Variants in CAP2 observed in about 807,000 individuals in gnomAD.
CAP2 encodes the protein cyclase associated actin cytoskeleton regulatory protein 2, also known as adenylyl cyclase-associated protein 2.
CAP2 carries 24 observed loss-of-function variants against 57.7 expected under a neutral mutation model. The observed-to-expected ratio is 0.42, with a 90% CI of 0.30 to 0.58. The LOEUF (loss-of-function observed/expected upper bound fraction) is 0.58, where lower values mean the gene tolerates loss of function less well. Among genes scored for constraint, CAP2 ranks in the 20% least tolerant of loss-of-function variants. The pLI, the probability that CAP2 is intolerant of heterozygous loss-of-function variation, is 0.22. For synonymous variants in CAP2, 194 were observed against 207.2 expected, an observed-to-expected ratio of 0.94 and a Z score of 0.55; for missense variants, 501 against 590.3, an observed-to-expected ratio of 0.85 and a Z score of 1.57.
chr6:17,508,755 C>CTTTT (rs10635657), intron 6 of CAP2, among the ~76,000 whole-genome samples: 1,466 of 145,056 alleles, frequency 0.01, 30 homozygotes, highest in East Asian at 0.062. Context: ...AATTCACCTT[C>CTTTT]TTTTTTTTTT....
intron 4 of CAP2, among the ~76,000 whole-genome samples, chr6:17,465,552 C>T (rs370143670): frequency 3.3e-5 from 5 of 152,102 alleles, no homozygotes; most frequent in Admixed American, 1.3e-4. Context: ...TTCAGAACAC[C>T]GTCCTACTAC....
At chr6:17,516,831 A>G (rs962663368) in intron 7 of CAP2, among the ~76,000 whole-genome samples, 1 of 152,194 alleles carries the variant, frequency 6.6e-6, no homozygotes, top group African/African-American at 2.4e-5. Flanking sequence ...CAACACTTTT[A>G]CAAATGTTAA....
intron 3 of CAP2, among the ~76,000 whole-genome samples, chr6:17,455,488 C>A (rs1443682747): frequency 6.6e-6 from 1 of 151,966 alleles, no homozygotes; most frequent in Non-Finnish European, 1.5e-5. Flanking sequence ...TCAAGTCACC[C>A]GCTTGGCCCT....
chr6:17,449,668 C>T (rs1760355265), intron 3 of CAP2, among the ~76,000 whole-genome samples: 1 of 152,128 alleles, frequency 6.6e-6, no homozygotes, highest in Admixed American at 6.5e-5. Flanking sequence ...CTCGGCCTCC[C>T]AAAGTGTTGG....
chr6:17,474,179 AAC>A (rs1020990890), intron 4 of CAP2, among the ~76,000 whole-genome samples: 31 of 146,646 alleles, frequency 2.1e-4, no homozygotes, highest in South Asian at 8.6e-4. Flanking sequence ...AGAGGAAAAA[AAC>A]AGTCTTTTTT....
At chr6:17,539,161 G>C (rs1263254035) in intron 7 of CAP2, 108 bp from the exon 8 acceptor site, 12 of 1,024,856 alleles carry the variant, frequency 1.2e-5, no homozygotes, top group Non-Finnish European at 1.0e-5. Context: ...CTTTGCTCAG[G>C]CTTCAACCCC....
intron 3 of CAP2, among the ~76,000 whole-genome samples, chr6:17,434,743 C>T (rs915832389): frequency 1.8e-4 from 28 of 152,100 alleles, no homozygotes; most frequent in East Asian, 3.9e-4. Context: ...TATTACTAAA[C>T]GGTCACTTCA....
At chr6:17,404,331 T>C (rs577565272) in intron 1 of CAP2, among the ~76,000 whole-genome samples, 49 of 151,892 alleles carry the variant, frequency 3.2e-4, no homozygotes, top group Non-Finnish European at 4.1e-4. Context: ...AATGGCTGGG[T>C]GCGGTGGCTC....
At chr6:17,505,666 A>G (rs1418292661) in intron 4 of CAP2, among the ~76,000 whole-genome samples, 3 of 152,202 alleles carry the variant, frequency 2.0e-5, no homozygotes, top group African/African-American at 7.2e-5. Context: ...AAAGCTCTTT[A>G]ACTGCTTCCA....
chr6:17,467,526 G>A (rs1028002755), intron 4 of CAP2, among the ~76,000 whole-genome samples: 1 of 151,976 alleles, frequency 6.6e-6, no homozygotes, highest in Non-Finnish European at 1.5e-5. Flanking sequence ...TACTCTTAAC[G>A]TTTGTTTGTT....
chr6:17,432,959 C>G (rs1441099008), intron 3 of CAP2, among the ~76,000 whole-genome samples: 5 of 136,504 alleles, frequency 3.7e-5, no homozygotes, highest in Non-Finnish European at 4.7e-5. Context: ...CTCCCTCCCT[C>G]TCTCCCCCCT....
At chr6:17,443,670 T>C (rs1393085309) in intron 3 of CAP2, among the ~76,000 whole-genome samples, 1 of 152,012 alleles carries the variant, frequency 6.6e-6, no homozygotes, top group Non-Finnish European at 1.5e-5. Flanking sequence ...GAAAAAACAG[T>C]CTCAGTCAAA....
At chr6:17,449,463 A>G (rs919825613) in intron 3 of CAP2, among the ~76,000 whole-genome samples, 6 of 151,702 alleles carry the variant, frequency 4.0e-5, no homozygotes, top group African/African-American at 1.2e-4. Context: ...CTGGAGTGCA[A>G]TGGTGCCATC....
At chr6:17,445,313 G>A (rs895083951) in intron 3 of CAP2, among the ~76,000 whole-genome samples, 37 of 152,296 alleles carry the variant, frequency 2.4e-4, no homozygotes, top group African/African-American at 8.4e-4. Context: ...CACCACGTTG[G>A]CCAGGCTGGT....
chr6:17,402,158 T>C (rs1029194730), intron 1 of CAP2, among the ~76,000 whole-genome samples: 1 of 152,226 alleles, frequency 6.6e-6, no homozygotes, highest in Non-Finnish European at 1.5e-5. Context: ...CTAAGACTAA[T>C]CTTGATGAGA....
intron 3 of CAP2, among the ~76,000 whole-genome samples, chr6:17,442,820 C>T (rs368938904): frequency 2.0e-5 from 3 of 151,790 alleles, no homozygotes; most frequent in South Asian, 4.2e-4. Context: ...TGGGTTCAAG[C>T]GATCCTCGTG....
intron 3 of CAP2, among the ~76,000 whole-genome samples, chr6:17,452,017 A>G (rs1320250824): frequency 6.6e-6 from 1 of 152,234 alleles, no homozygotes; most frequent in Non-Finnish European, 1.5e-5. Context: ...TTTCATAAGG[A>G]CATTATTTGA....
intron 4 of CAP2, among the ~76,000 whole-genome samples, chr6:17,477,421 A>T (rs1761178975): frequency 6.6e-6 from 1 of 152,208 alleles, no homozygotes; most frequent in Admixed American, 6.5e-5. Context: ...CAGTGCTCAT[A>T]ACGAGTGCTC....
Position 17,540,956 on chromosome 6 carries a change from G to A in CAP2, c.827-17G>A, listed in dbSNP as rs772075165. ...CTTTGCATAAAATAAATGTGTCCAT[G>A]TGTGTTGTCCTCCTAGGGCTCCGCC... On this transcript the variant is annotated splice_polypyrimidine_tract_variant and intron_variant, in intron 8 of 12. Transcript: ENST00000229922. The A allele has an allele frequency of 1.2e-6, 2 of 1,608,366 alleles. No homozygotes were observed. Among genetic ancestry groups the A allele is most frequent in the Non-Finnish European group, 1.7e-6 (2 of 1,176,988 alleles).
Sources: allele counts gnomAD v4.1 joint callset (sites outside exome capture counted in the v4.1 genomes callset), GRCh38; gene constraint gnomAD v4.1.1; transcripts MANE v1.5; gene names NCBI Gene and HGNC (gene_info 2026-07-23, HGNC 2026-07-21).